Variants in RGCC observed in about 807,000 individuals in gnomAD.
The protein encoded by RGCC is regulator of cell cycle RGCC.
RGCC carries 15 observed loss-of-function variants against 15.4 expected under a neutral mutation model. That is an observed-to-expected ratio of 0.97 (90% confidence interval 0.65 to 1.50). RGCC has a LOEUF of 1.50. RGCC is among the 40% of genes most tolerant of loss of function. The probability of loss-of-function intolerance (pLI) is 0.00; values close to 1 mark genes in which losing one functional copy is unlikely to be tolerated. For synonymous variants in RGCC, 81 were observed against 78.0 expected (o/e 1.04, Z -0.20); for missense variants, 176 against 189.7 (o/e 0.93, Z 0.42).
intron 2 of RGCC, among the ~76,000 whole-genome samples, chr13:41,462,032 G>GC (rs1351667649): frequency 6.6e-6 from 1 of 152,196 alleles, no homozygotes; most frequent in African/African-American, 2.4e-5. Flanking sequence ...TTCTTATTTT[G>GC]CCCCCCTTTG....
In RGCC at chr13:41,458,502, G is replaced by A. The variant is rs1399680738; in HGVS notation, c.235+32G>A. The A allele has an allele frequency of 6.4e-7, 1 of 1,571,264 alleles. No homozygotes were observed. Among genetic ancestry groups the A allele is most frequent in the Non-Finnish European group, 8.6e-7 (1 of 1,164,622 alleles). On this transcript the variant is annotated intron_variant, in intron 2 of 4. Coordinates refer to ENST00000379359, the MANE Select transcript of RGCC (RefSeq NM_014059.3). This position sits in a 1 kb window ranked among gnomAD's most constrained non-coding sequence, Gnocchi z 4.4. ...GCGGCCCCCGCTAGGATGGCGCCGG[G>A]ATCTCCCAGCTCCCAGGACCTGCCC... is the stretch of plus-strand genomic sequence containing the variant.
At chr13:41,469,661 G>A (rs946351388) in intron 4 of RGCC, among the ~76,000 whole-genome samples, 33 of 152,262 alleles carry the variant, frequency 2.2e-4, no homozygotes, top group African/African-American at 6.0e-4. Context: ...TTGGCTTGTG[G>A]GGCCTTTCAC....
rs1033419664 is a variant in RGCC at position 41,458,046 on chromosome 13, G to A, written c.50-239G>A. On this transcript the variant is annotated intron_variant, in intron 1 of 4. Coordinates refer to ENST00000379359, the MANE Select transcript of RGCC (RefSeq NM_014059.3). This position sits in a 1 kb window ranked among gnomAD's most constrained non-coding sequence, Gnocchi z 4.4. ...AGGAATCTGGCCGCGCCAAGTCGCT[G>A]GGTGACCCTGGGCCTGGCGAAGGCT... Among the ~76,000 whole-genome samples the A allele has an allele frequency of 2.6e-5, 4 of 152,196 alleles. No homozygotes were observed. Among genetic ancestry groups the A allele is most frequent in the Non-Finnish European group, 5.9e-5 (4 of 68,026 alleles).
At chr13:41,463,610 C>T (rs977683126) in intron 2 of RGCC, among the ~76,000 whole-genome samples, 2 of 151,956 alleles carry the variant, frequency 1.3e-5, no homozygotes, top group African/African-American at 4.8e-5. Flanking sequence ...TATTTTTCCT[C>T]CTCTTCCTCC....
In RGCC at chr13:41,457,565, C is replaced by T. The variant is rs776172902; in HGVS notation, c.-143C>T. On this transcript the variant is annotated 5_prime_UTR_variant, in exon 1 of 5. Coordinates refer to ENST00000379359, the MANE Select transcript of RGCC (RefSeq NM_014059.3). This position sits in a 1 kb window ranked among gnomAD's most constrained non-coding sequence, Gnocchi z 4.9. ...AGCCGGTGGTAGGGCGGGCGCGGACCGTGCTGGGAGCGGCGCGGCTGGAGC... is the reference window on the plus strand; with the variant it reads ...AGCCGGTGGTAGGGCGGGCGCGGACTGTGCTGGGAGCGGCGCGGCTGGAGC... The T allele has an allele frequency of 7.5e-7, 1 of 1,342,070 alleles. No homozygotes were observed. The highest frequency in any genetic ancestry group is 1.7e-5 in the South Asian group (1 of 60,186). The allele number at this position is 1,342,070 out of a possible 1,614,324, so 83.1% of individuals were successfully genotyped here.
rs76710794 is a variant in RGCC, at chr13:41,468,137, G to C, written c.344-639G>C. 3.6e-3 allele frequency among the ~76,000 whole-genome samples: 553 copies of C among 152,350 alleles called. 4 individuals are homozygous for C. The highest frequency in any genetic ancestry group is 0.013 in the African/African-American group (529 of 41,580). On this transcript the variant is annotated intron_variant, in intron 3 of 4. Coordinates refer to ENST00000379359, the MANE Select transcript of RGCC (RefSeq NM_014059.3). The stretch of plus-strand genomic sequence containing the variant: ...GTGGGCACCTGGAGGGGATGAGGCT[G>C]TCCTGGGCCCAGAAGACTCATGGCA...
intron 2 of RGCC, among the ~76,000 whole-genome samples, chr13:41,463,453 G>A (rs555298060): frequency 3.1e-4 from 39 of 127,604 alleles, no homozygotes; most frequent in African/African-American, 1.0e-3. Context: ...GAGCTGGGGC[G>A]TGAGCTAATG....
Position 41,470,556 on chromosome 13 carries a change from G to C in RGCC, c.*71G>C, listed in dbSNP as rs986979099. ...AAGTTCCGAGGACCTGCTAAAATCA[G>C]CTACTAGAATCTGCTGCCAGAGGGG... On this transcript the variant is annotated 3_prime_UTR_variant, in exon 5 of 5. Transcript: ENST00000379359. 6.7e-7 allele frequency: 1 copy of C among 1,482,944 alleles called. No homozygotes were observed. 91.9% of individuals were successfully genotyped at this position (1,482,944 alleles called of 1,614,324 possible).
intron 2 of RGCC, among the ~76,000 whole-genome samples, chr13:41,464,963 G>A (rs917322873): frequency 1.3e-5 from 2 of 151,980 alleles, no homozygotes; most frequent in Admixed American, 1.3e-4. Context: ...GGAGAGGGTG[G>A]GGGGAAAGGG....
At chr13:41,459,820 A>C (rs962393753) in intron 2 of RGCC, among the ~76,000 whole-genome samples, 7 of 152,342 alleles carry the variant, frequency 4.6e-5, no homozygotes, top group African/African-American at 1.7e-4. Flanking sequence ...GCATGGAGCA[A>C]GTTATTCATC....
chr13:41,458,514 C>G lies in RGCC; in HGVS notation c.235+44C>G, dbSNP rs761496693. 6.5e-7 allele frequency: 1 copy of G among 1,546,374 alleles called. No individual in the cohort carries two copies. Among genetic ancestry groups the G allele is most frequent in the South Asian group, 1.2e-5 (1 of 85,304 alleles). On this transcript the variant is annotated intron_variant, in intron 2 of 4. Transcript: ENST00000379359. This position sits in a 1 kb window ranked among gnomAD's most constrained non-coding sequence, Gnocchi z 4.4. ...AGGATGGCGCCGGGATCTCCCAGCT[C>G]CCAGGACCTGCCCCGCGAAGGCTGC...
Sources: gnomAD v4.1 joint callset for allele counts (sites outside exome capture counted in the v4.1 genomes callset) on GRCh38, gnomAD v4.1.1 for gene constraint, Gnocchi (gnomAD v3.1) non-coding constraint, MANE v1.5 for transcripts, NCBI Gene and HGNC (gene_info 2026-07-23, HGNC 2026-07-21) for gene names.